ADCY5: variants seen among roughly 807,000 people sequenced by gnomAD.
ADCY5 encodes the protein adenylate cyclase 5, also known as adenylate cyclase type 5.
A neutral mutation model predicts 119.7 loss-of-function variants in ADCY5; 30 were observed. The observed-to-expected ratio is 0.25, with a 90% CI of 0.19 to 0.34. The LOEUF (loss-of-function observed/expected upper bound fraction) is 0.34, where lower values mean the gene tolerates loss of function less well. Ranked by LOEUF, ADCY5 falls within the 10% of genes least tolerant of loss-of-function variation. The pLI, the probability that ADCY5 is intolerant of heterozygous loss-of-function variation, is 1.00. For missense variants in ADCY5, 1,324 were observed against 1,775.2 expected (o/e 0.75, Z 4.57); for synonymous variants, 753 against 762.2 (o/e 0.99, Z 0.20).
chr3:123,312,492 T>C (rs763198991), intron 12 of ADCY5, among the ~76,000 whole-genome samples: 10 of 152,234 alleles, frequency 6.6e-5, no homozygotes, highest in Non-Finnish European at 1.3e-4. Flanking sequence ...TTGCTATCAA[T>C]TTCCAAAACC....
intron 1 of ADCY5, among the ~76,000 whole-genome samples, chr3:123,424,327 T>C (rs1001543438): frequency 6.6e-6 from 1 of 152,144 alleles, no homozygotes; most frequent in African/African-American, 2.4e-5. Flanking sequence ...GGCTGGGAGC[T>C]CTCTGAAGGC....
At chr3:123,434,596 T>C (rs1403564676) in intron 1 of ADCY5, among the ~76,000 whole-genome samples, 1 of 152,204 alleles carries the variant, frequency 6.6e-6, no homozygotes, top group East Asian at 1.9e-4. Context: ...AAATGCTAAT[T>C]AAATATAAAG....
chr3:123,328,810 T>C lies in ADCY5; in HGVS notation c.1647-8A>G, dbSNP rs768383813. ...GTCACCTCCCGGACCAACCTGGGGA[T>C]GGAGCAGGAGTAAAGCTGGGAGAAG... On this transcript the variant is annotated splice_polypyrimidine_tract_variant and splice_region_variant and intron_variant, in intron 5 of 20. Transcript: ENST00000462833. 2.0e-5 allele frequency: 32 copies of C among 1,613,788 alleles called. 1 individual carries two copies. Among genetic ancestry groups the C allele is most frequent in the Non-Finnish European group, 2.5e-5 (30 of 1,179,864 alleles).
chr3:123,424,512 C>G (rs1945362412), intron 1 of ADCY5, among the ~76,000 whole-genome samples: 1 of 152,168 alleles, frequency 6.6e-6, no homozygotes, highest in South Asian at 2.1e-4. Context: ...AGGCAGAATG[C>G]ACAGTCCTCT....
intron 1 of ADCY5, among the ~76,000 whole-genome samples, chr3:123,393,722 C>A (rs1267532964): frequency 2.0e-5 from 3 of 152,114 alleles, no homozygotes; most frequent in Non-Finnish European, 4.4e-5. Flanking sequence ...GGCCTTCCTG[C>A]AGACCAGACT....
intron 1 of ADCY5, among the ~76,000 whole-genome samples, chr3:123,414,328 C>CTCTAAGCCTTT (rs1321985369): frequency 6.6e-6 from 1 of 152,212 alleles, no homozygotes. Flanking sequence ...CCTTTATCCT[C>CTCTAAGCCTTT]TCTAAGCCTT....
At chr3:123,385,940 T>C (rs938922451) in intron 1 of ADCY5, among the ~76,000 whole-genome samples, 1 of 152,154 alleles carries the variant, frequency 6.6e-6, no homozygotes, top group Non-Finnish European at 1.5e-5. Context: ...TAGGTGCTCT[T>C]ATCCCTATCT....
chr3:123,446,294 G>A (rs1261768699), intron 1 of ADCY5, among the ~76,000 whole-genome samples: 1 of 152,194 alleles, frequency 6.6e-6, no homozygotes, highest in East Asian at 1.9e-4. Flanking sequence ...ACTAGAAGAG[G>A]GGAGACAGAG....
intron 1 of ADCY5, among the ~76,000 whole-genome samples, chr3:123,419,717 C>A (rs181507673): frequency 9.2e-5 from 14 of 152,056 alleles, no homozygotes; most frequent in Non-Finnish European, 1.0e-4. Context: ...TCCACTGCTC[C>A]CCCTGCCAGC....
At chr3:123,349,460 T>A (rs1942731799) in intron 2 of ADCY5, among the ~76,000 whole-genome samples, 1 of 152,116 alleles carries the variant, frequency 6.6e-6, no homozygotes, top group Non-Finnish European at 1.5e-5. Flanking sequence ...TGGATTCTGG[T>A]CGCGACACCC....
At chr3:123,329,392 G>A (rs1941652888) in intron 5 of ADCY5, among the ~76,000 whole-genome samples, 1 of 152,146 alleles carries the variant, frequency 6.6e-6, no homozygotes, top group Non-Finnish European at 1.5e-5. Context: ...GGAAAGCTTG[G>A]TCCCGGCCAC....
chr3:123,428,709 T>G (rs889002060), intron 1 of ADCY5, among the ~76,000 whole-genome samples: 2 of 152,188 alleles, frequency 1.3e-5, no homozygotes, highest in Non-Finnish European at 2.9e-5. Context: ...GGAAGAGCAC[T>G]GGATGGTAGA....
At chr3:123,376,970 A>T (rs1943857787) in intron 1 of ADCY5, among the ~76,000 whole-genome samples, 1 of 152,068 alleles carries the variant, frequency 6.6e-6, no homozygotes, top group Non-Finnish European at 1.5e-5. Context: ...CTCTGTGCTG[A>T]GCCAAACAAT....
intron 3 of ADCY5, among the ~76,000 whole-genome samples, chr3:123,335,464 G>C (rs1414880392): frequency 6.6e-6 from 1 of 152,212 alleles, no homozygotes; most frequent in East Asian, 1.9e-4. Flanking sequence ...CAGGAAATGA[G>C]GACACAGAAA....
rs764153282 is a variant in ADCY5 at position 123,304,120 on chromosome 3, G to C, written c.2506C>G (p.Leu836Val). 3.7e-6 allele frequency: 6 copies of C among 1,613,822 alleles called. No individual in the cohort carries two copies. In the African/African-American group the frequency reaches 8.0e-5, roughly 22 times the overall value. Residue 836 changes from leucine (L) to valine (V), a missense_variant, in exon 13 of 21, where the codon CTG becomes GTG. Physicochemically the swap from Leu to Val is conservative, Grantham distance 32. This residue lies in a region of ADCY5 where 424 missense variants were observed against 546.8 expected (regional missense o/e 0.78). Coordinates refer to ENST00000462833, the MANE Select transcript of ADCY5 (RefSeq NM_183357.3). ...KIVRSKMNSTLVGVFTITLVF... is the reference protein window; with the variant it reads ...KIVRSKMNSTVVGVFTITLVF... ...AGGGTGATGGTGAACACCCCAACCA[G>C]GGTGCTGTTCATCTTGGACCGCACG...
intron 1 of ADCY5, among the ~76,000 whole-genome samples, chr3:123,438,496 G>C (rs1945664286): frequency 2.0e-5 from 3 of 152,140 alleles, no homozygotes; most frequent in Admixed American, 6.6e-5. Flanking sequence ...GCACCATTCT[G>C]AGTAGAGTGA....
At chr3:123,333,211 C>T (rs1038273871) in intron 3 of ADCY5, among the ~76,000 whole-genome samples, 8 of 152,194 alleles carry the variant, frequency 5.3e-5, no homozygotes, top group Admixed American at 4.6e-4. Flanking sequence ...CACTTCGTGA[C>T]GATATGAGAA....
chr3:123,338,520 G>C (rs550805805), intron 3 of ADCY5, among the ~76,000 whole-genome samples: 3 of 152,330 alleles, frequency 2.0e-5, no homozygotes, highest in African/African-American at 7.2e-5. Context: ...AACTCTGAAG[G>C]CCATTTCCCA....
chr3:123,319,628 G>T, intron 10 of ADCY5, 46 bp downstream of exon 10: 1 of 1,601,076 alleles, frequency 6.2e-7, no homozygotes, highest in Non-Finnish European at 8.5e-7. Context: ...CCTCCTCCTG[G>T]TCCTGGTTCA....
Sources: allele counts gnomAD v4.1 joint callset (sites outside exome capture counted in the v4.1 genomes callset), GRCh38; gene constraint gnomAD v4.1.1; regional missense constraint gnomAD v4.1.1; transcripts MANE v1.5; gene names NCBI Gene and HGNC (gene_info 2026-07-23, HGNC 2026-07-21).